TMEM217B: variants seen among roughly 807,000 people sequenced by gnomAD.
TMEM217B encodes transmembrane protein 217B.
At chr6:37,218,532 T>G in the TMEM217B span, 1 of 1,614,028 alleles carries the variant, frequency 6.2e-7, no homozygotes, top group African/African-American at 1.3e-5. Flanking sequence ...GAAATTCGTC[T>G]CTTGTAGGAA....
chr6:37,239,892 A>T, the TMEM217B span, among the ~76,000 whole-genome samples: 468 of 122,006 alleles, frequency 3.8e-3, 3 homozygotes, highest in Middle Eastern at 4.3e-3. Flanking sequence ...CCAGCTCATT[A>T]AAAAAAAAAA....
chr6:37,218,824 G>A, the TMEM217B span: 1 of 1,614,210 alleles, frequency 6.2e-7, no homozygotes, highest in Non-Finnish European at 8.5e-7. Context: ...AAGACAGGAA[G>A]AGGACGATTT....
the TMEM217B span, among the ~76,000 whole-genome samples, chr6:37,214,383 A>G: frequency 6.6e-6 from 1 of 152,180 alleles, no homozygotes; most frequent in Non-Finnish European, 1.5e-5. Flanking sequence ...GTGCGCCAGC[A>G]TGCCCAGCTA....
chr6:37,219,786 G>T, the TMEM217B span, among the ~76,000 whole-genome samples: 1 of 152,014 alleles, frequency 6.6e-6, no homozygotes, highest in Non-Finnish European at 1.5e-5. Flanking sequence ...GGCTTCCATT[G>T]CTGCCCAGAT....
At chr6:37,219,770 G>A in the TMEM217B span, among the ~76,000 whole-genome samples, 6 of 152,180 alleles carry the variant, frequency 3.9e-5, no homozygotes, top group East Asian at 1.2e-3. Context: ...TCCCAGCATT[G>A]CCTTGGGCTT....
At chr6:37,252,617 G>GTA in the TMEM217B span, among the ~76,000 whole-genome samples, 107 of 112,292 alleles carry the variant, frequency 9.5e-4, 2 homozygotes, top group East Asian at 3.4e-3. Context: ...GTATGTGTGT[G>GTA]TATATATATA....
chr6:37,230,207 G>A, the TMEM217B span, among the ~76,000 whole-genome samples: 1 of 152,208 alleles, frequency 6.6e-6, no homozygotes, highest in Non-Finnish European at 1.5e-5. Context: ...TCTAACTGGA[G>A]AAAGTTCTCT....
chr6:37,238,002 T>G, the TMEM217B span, among the ~76,000 whole-genome samples: 10 of 152,166 alleles, frequency 6.6e-5, no homozygotes, highest in African/African-American at 2.4e-4. Flanking sequence ...CAGACACTAA[T>G]TTTATTTTGG....
the TMEM217B span, among the ~76,000 whole-genome samples, chr6:37,243,273 G>C: frequency 6.6e-6 from 1 of 152,136 alleles, no homozygotes; most frequent in Non-Finnish European, 1.5e-5. Flanking sequence ...TATAAATTCG[G>C]TTGGCCAGAA....
chr6:37,232,442 G>A, the TMEM217B span, among the ~76,000 whole-genome samples: 1 of 152,168 alleles, frequency 6.6e-6, no homozygotes, highest in South Asian at 2.1e-4. Context: ...CTGGAGTGCA[G>A]TGGCACAATC....
At chr6:37,232,515 A>G in the TMEM217B span, among the ~76,000 whole-genome samples, 13 of 152,250 alleles carry the variant, frequency 8.5e-5, no homozygotes, top group Admixed American at 8.5e-4. Flanking sequence ...CCTCCTGACA[A>G]TAGTTTTATA....
At chr6:37,222,662 C>T in the TMEM217B span, among the ~76,000 whole-genome samples, 4 of 152,248 alleles carry the variant, frequency 2.6e-5, no homozygotes, top group Admixed American at 6.5e-5. Flanking sequence ...CCTCCAAGAG[C>T]ACAGGGAGGC....
At chr6:37,215,200 A>G in the TMEM217B span, 5 of 1,613,704 alleles carry the variant, frequency 3.1e-6, no homozygotes, top group East Asian at 4.5e-5. Context: ...ATACTCACTC[A>G]GCAGACATCT....
the TMEM217B span, among the ~76,000 whole-genome samples, chr6:37,225,956 C>T: frequency 3.9e-5 from 6 of 152,166 alleles, no homozygotes; most frequent in Non-Finnish European, 1.5e-5. Flanking sequence ...GTCATTGCTA[C>T]TTGAGAGAGA....
the TMEM217B span, among the ~76,000 whole-genome samples, chr6:37,216,087 A>G: frequency 6.6e-6 from 1 of 151,698 alleles, no homozygotes; most frequent in South Asian, 2.1e-4. Flanking sequence ...TTATTTATTT[A>G]TTTATTTTTG....
At chr6:37,213,502 C>A in the TMEM217B span, among the ~76,000 whole-genome samples, 7 of 152,364 alleles carry the variant, frequency 4.6e-5, no homozygotes, top group East Asian at 1.2e-3. Context: ...CATGGCCCAG[C>A]CTTGTCCCAA....
the TMEM217B span, among the ~76,000 whole-genome samples, chr6:37,216,106 T>C: frequency 6.6e-6 from 1 of 152,168 alleles, no homozygotes; most frequent in Admixed American, 6.5e-5. Flanking sequence ...TGAGACAAAG[T>C]CTCACTCTGT....
chr6:37,231,033 A>G, the TMEM217B span, among the ~76,000 whole-genome samples: 16 of 151,962 alleles, frequency 1.1e-4, no homozygotes, highest in Admixed American at 7.9e-4. Flanking sequence ...ACTGTCACTA[A>G]ATTCCATTTA....
chr6:37,247,323 G>A, the TMEM217B span, among the ~76,000 whole-genome samples: 2 of 152,042 alleles, frequency 1.3e-5, no homozygotes, highest in Non-Finnish European at 2.9e-5. Context: ...ACAGAAACAC[G>A]AGTGGGGAAA....
Sources: gnomAD v4.1 joint callset for allele counts (sites outside exome capture counted in the v4.1 genomes callset) on GRCh38, gnomAD v4.1.1 for gene constraint, MANE v1.5 for transcripts, NCBI Gene and HGNC (gene_info 2026-07-23, HGNC 2026-07-21) for gene names.